The following GRIK1 variants were observed in gnomAD, a reference collection of about 807,000 sequenced individuals.
The protein encoded by GRIK1 is glutamate receptor ionotropic, kainate 1.
Under a neutral mutation model 105.7 loss-of-function variants are expected in GRIK1, and 69 were observed. That is an observed-to-expected ratio of 0.65 (90% CI 0.54 to 0.80). GRIK1 has a LOEUF of 0.80. Ranked by LOEUF, GRIK1 falls within the 30% of genes least tolerant of loss-of-function variation. The pLI, the probability that GRIK1 is intolerant of heterozygous loss-of-function variation, is 0.00. For missense variants in GRIK1, 1,109 were observed against 1,167.3 expected (o/e 0.95, Z 0.73); for synonymous variants, 438 against 431.3 (o/e 1.02, Z -0.19).
chr21:29,762,360 C>A (rs1278848563), intron 1 of GRIK1, among the ~76,000 whole-genome samples: 1 of 152,170 alleles, frequency 6.6e-6, no homozygotes, highest in African/African-American at 2.4e-5. Flanking sequence ...ATAGCATTTT[C>A]TCTCATTTTT....
At chr21:29,583,527 C>G (rs2091067148) in intron 12 of GRIK1, among the ~76,000 whole-genome samples, 1 of 152,188 alleles carries the variant, frequency 6.6e-6, no homozygotes, top group African/African-American at 2.4e-5. Flanking sequence ...CCCAGATATG[C>G]TCCCATCGAT....
intron 1 of GRIK1, among the ~76,000 whole-genome samples, chr21:29,729,387 C>T (rs915820046): frequency 1.3e-5 from 2 of 152,082 alleles, no homozygotes; most frequent in African/African-American, 4.8e-5. Context: ...TTGTTTTCCC[C>T]CAAAATCCAC....
chr21:29,564,932 A>G (rs896932505), intron 14 of GRIK1, among the ~76,000 whole-genome samples: 1 of 152,218 alleles, frequency 6.6e-6, no homozygotes, highest in Non-Finnish European at 1.5e-5. Context: ...TTTGAGTAGC[A>G]TGGCTCTATG....
At chr21:29,589,193 AT>A (rs2061293985) in intron 10 of GRIK1, 151 bp from the exon 11 acceptor site, 1 of 604,934 alleles carries the variant, frequency 1.7e-6, no homozygotes, top group East Asian at 2.7e-5. Context: ...TATGTCCTCT[AT>A]AAATACAAAA....
At chr21:29,554,281 C>A (rs1394794229) in intron 16 of GRIK1, among the ~76,000 whole-genome samples, 1 of 152,142 alleles carries the variant, frequency 6.6e-6, no homozygotes, top group African/African-American at 2.4e-5. Flanking sequence ...GAGCCTGATT[C>A]ACTATGATGA....
intron 2 of GRIK1, among the ~76,000 whole-genome samples, chr21:29,692,325 T>A (rs1231472566): frequency 2.0e-5 from 3 of 152,228 alleles, no homozygotes; most frequent in South Asian, 4.2e-4. Flanking sequence ...TAGTGTCTGT[T>A]TGCATAGGTG....
chr21:29,674,550 G>A (rs1202726351), intron 3 of GRIK1, among the ~76,000 whole-genome samples: 1 of 152,042 alleles, frequency 6.6e-6, no homozygotes, highest in Non-Finnish European at 1.5e-5. Flanking sequence ...GAACTTGGTG[G>A]GAGGTGATTG....
At chr21:29,904,390 T>C (rs1213523440) in intron 1 of GRIK1, among the ~76,000 whole-genome samples, 1 of 151,994 alleles carries the variant, frequency 6.6e-6, no homozygotes, top group Non-Finnish European at 1.5e-5. Context: ...TATGACTATA[T>C]AGTGTATGAA....
chr21:29,701,116 G>T (rs2832427), intron 1 of GRIK1, among the ~76,000 whole-genome samples: 12,395 of 152,112 alleles, frequency 0.081, 872 homozygotes, highest in Admixed American at 0.18. Flanking sequence ...TGAATAACTC[G>T]CTCATCCAAT....
intron 1 of GRIK1, among the ~76,000 whole-genome samples, chr21:29,820,917 T>C (rs186916809): frequency 3.4e-4 from 52 of 152,070 alleles, no homozygotes; most frequent in African/African-American, 1.2e-3. Flanking sequence ...ATTTGGATAC[T>C]GGGAGAATAA....
intron 7 of GRIK1, among the ~76,000 whole-genome samples, chr21:29,600,110 CCTT>C (rs1239713159): frequency 1.4e-4 from 21 of 152,188 alleles, no homozygotes; most frequent in African/African-American, 2.4e-4. Context: ...CAAAAAAACT[CCTT>C]CTGCTTCTGT....
chr21:29,589,181 C>T, intron 10 of GRIK1, 139 bp from the exon 11 acceptor site: 1 of 615,136 alleles, frequency 1.6e-6, no homozygotes, highest in Non-Finnish European at 2.9e-6. Flanking sequence ...CATCTGCCTG[C>T]CTATGTCCTC....
At chr21:29,605,124 C>T (rs1045451033) in intron 7 of GRIK1, among the ~76,000 whole-genome samples, 1 of 152,016 alleles carries the variant, frequency 6.6e-6, no homozygotes, top group Non-Finnish European at 1.5e-5. Context: ...CACAGGTAAA[C>T]GTGTGCCATG....
intron 1 of GRIK1, among the ~76,000 whole-genome samples, chr21:29,906,875 T>C (rs1381750712): frequency 6.6e-6 from 1 of 152,152 alleles, no homozygotes; most frequent in Non-Finnish European, 1.5e-5. Context: ...ACATGAAGGG[T>C]TAAACTTTGA....
Position 29,937,761 on chromosome 21 carries a change from A to G in GRIK1, c.118+1622T>C, listed in dbSNP as rs1052348898. Among the ~76,000 whole-genome samples, 12 of 151,502 alleles carry G rather than the reference A, an allele frequency of 7.9e-5. No individual in the cohort carries two copies. In the Admixed American group the frequency reaches 7.9e-4, roughly 10 times the overall value. The stretch of plus-strand genomic sequence containing the variant: ...GTTAATAAGTATTGGAAATTATAAC[A>G]CACACGCTCATTAGTTACTTTGTAT... On this transcript the variant is annotated intron_variant, in intron 1 of 17. Transcript: ENST00000327783.
At chr21:29,539,791 C>T (rs1006383825) in intron 16 of GRIK1, among the ~76,000 whole-genome samples, 1 of 152,014 alleles carries the variant, frequency 6.6e-6, no homozygotes, top group Admixed American at 6.6e-5. Flanking sequence ...ACATATTATA[C>T]CCTTTATATA....
chr21:29,606,593 G>A (rs1029632057), intron 7 of GRIK1, among the ~76,000 whole-genome samples: 2 of 152,038 alleles, frequency 1.3e-5, no homozygotes, highest in Non-Finnish European at 2.9e-5. Context: ...ATGGTCCTAC[G>A]ATGGTGCCCA....
At chr21:29,627,147 C>A (rs1307018134) in intron 7 of GRIK1, among the ~76,000 whole-genome samples, 5 of 152,134 alleles carry the variant, frequency 3.3e-5, no homozygotes, top group African/African-American at 1.2e-4. Context: ...ATTATCTTAA[C>A]TATTTGTATT....
intron 1 of GRIK1, among the ~76,000 whole-genome samples, chr21:29,826,994 A>C (rs2067478715): frequency 6.6e-6 from 1 of 152,098 alleles, no homozygotes; most frequent in African/African-American, 2.4e-5. Context: ...AAAACACATT[A>C]AGTAGTCTTT....
Sources: allele counts gnomAD v4.1 joint callset (sites outside exome capture counted in the v4.1 genomes callset), GRCh38; gene constraint gnomAD v4.1.1; transcripts MANE v1.5; gene names NCBI Gene and HGNC (gene_info 2026-07-23, HGNC 2026-07-21).